The following GRID2 variants were observed in gnomAD, a reference collection of about 807,000 sequenced individuals.
GRID2 encodes the protein glutamate receptor ionotropic, delta-2.
A neutral mutation model predicts 114.8 loss-of-function variants in GRID2; 33 were observed. That is an observed-to-expected ratio of 0.29 (90% CI 0.22 to 0.38). The LOEUF is 0.38. Among genes scored for constraint, GRID2 ranks in the 10% least tolerant of loss-of-function variants. GRID2 has a pLI of 1.00. For synonymous variants in GRID2, 505 were observed against 449.9 expected, an observed-to-expected ratio of 1.12 and a Z score of -1.55; for missense variants, 1,184 against 1,257.7, an observed-to-expected ratio of 0.94 and a Z score of 0.89.
chr4:93,507,915 T>C (rs1728781373), intron 12 of GRID2, among the ~76,000 whole-genome samples: 2 of 152,082 alleles, frequency 1.3e-5, no homozygotes, highest in African/African-American at 4.8e-5. Flanking sequence ...CAGCTGATTG[T>C]GTTACAGAGG....
At chr4:92,836,948 G>C (rs942290689) in intron 2 of GRID2, among the ~76,000 whole-genome samples, 5 of 152,064 alleles carry the variant, frequency 3.3e-5, no homozygotes, top group African/African-American at 1.2e-4. Context: ...AAGATTGCTT[G>C]AGGAAATTTT....
At chr4:92,452,978 G>A (rs747566613) in intron 1 of GRID2, among the ~76,000 whole-genome samples, 1 of 150,214 alleles carries the variant, frequency 6.7e-6, no homozygotes, top group African/African-American at 2.4e-5. Flanking sequence ...ATACACTTAT[G>A]CATTTGTTAG....
At chr4:92,696,811 T>G (rs1734444219) in intron 2 of GRID2, among the ~76,000 whole-genome samples, 2 of 152,154 alleles carry the variant, frequency 1.3e-5, no homozygotes, top group Non-Finnish European at 2.9e-5. Context: ...TAATAGATGA[T>G]AGGATATTCT....
intron 8 of GRID2, among the ~76,000 whole-genome samples, chr4:93,305,297 A>G (rs1755298369): frequency 6.6e-6 from 1 of 152,234 alleles, no homozygotes; most frequent in African/African-American, 2.4e-5. Context: ...GTAAAGTGAA[A>G]GTAAACAAGC....
intron 13 of GRID2, among the ~76,000 whole-genome samples, chr4:93,523,280 G>A (rs2149501137): frequency 6.6e-6 from 1 of 152,206 alleles, no homozygotes; most frequent in East Asian, 1.9e-4. Context: ...AAAACAAATG[G>A]AGGTTATAGG....
intron 1 of GRID2, among the ~76,000 whole-genome samples, chr4:92,396,939 A>G (rs568721621): frequency 6.6e-6 from 1 of 152,162 alleles, no homozygotes; most frequent in South Asian, 2.1e-4. Flanking sequence ...AGTAGAACAA[A>G]CTGCTGTCCA....
At chr4:93,716,179 G>A (rs1056988970) in intron 14 of GRID2, among the ~76,000 whole-genome samples, 1 of 152,110 alleles carries the variant, frequency 6.6e-6, no homozygotes, top group Non-Finnish European at 1.5e-5. Context: ...GAGTAAATAT[G>A]TGTATATAAA....
intron 1 of GRID2, among the ~76,000 whole-genome samples, chr4:92,505,020 T>C (rs1232722796): frequency 2.6e-5 from 4 of 152,160 alleles, no homozygotes; most frequent in East Asian, 3.9e-4. Flanking sequence ...CGTCGAATCA[T>C]TTAAAAGAGA....
At chr4:92,381,064 C>G (rs1240158618) in intron 1 of GRID2, among the ~76,000 whole-genome samples, 1 of 151,956 alleles carries the variant, frequency 6.6e-6, no homozygotes, top group Non-Finnish European at 1.5e-5. Context: ...GTCATGCAAT[C>G]TTAAGCCTCT....
intron 1 of GRID2, among the ~76,000 whole-genome samples, chr4:92,433,083 G>C (rs989851418): frequency 6.6e-6 from 1 of 151,802 alleles, no homozygotes; most frequent in African/African-American, 2.4e-5. Flanking sequence ...GACTCTGCCT[G>C]GTGTCCTATT....
chr4:93,259,325 C>T (rs1749981411), intron 8 of GRID2, among the ~76,000 whole-genome samples: 1 of 151,768 alleles, frequency 6.6e-6, no homozygotes. Context: ...CCATATCAAT[C>T]ATAGTTAGGC....
chr4:92,723,000 A>G (rs1281826031), intron 2 of GRID2, among the ~76,000 whole-genome samples: 1 of 152,148 alleles, frequency 6.6e-6, no homozygotes, highest in Admixed American at 6.6e-5. Flanking sequence ...TTGTTGCCCC[A>G]GTGAGAAAGA....
intron 1 of GRID2, among the ~76,000 whole-genome samples, chr4:92,564,303 T>C (rs1404724931): frequency 6.6e-6 from 1 of 151,986 alleles, no homozygotes; most frequent in Non-Finnish European, 1.5e-5. Context: ...ATTTAATTAA[T>C]TACTAGTATG....
In GRID2 at chr4:92,762,007, C is replaced by A. The variant is rs993225057; in HGVS notation, c.244+171721C>A. Among the ~76,000 whole-genome samples, 17 of 152,284 alleles carry A rather than the reference C, an allele frequency of 1.1e-4. No individual in the cohort carries two copies. The East Asian group carries it at 2.9e-3, about 26-fold the overall frequency. Reference sequence around the variant, plus strand: ...GCAGTGGCACAATCTTGGCTCACTGCAACCTCCAACTCCCTGATTCAAGTG... The same window carrying A: ...GCAGTGGCACAATCTTGGCTCACTGAAACCTCCAACTCCCTGATTCAAGTG... On this transcript the variant is annotated intron_variant, in intron 2 of 15. Transcript: ENST00000282020.
chr4:93,134,828 A>C lies in GRID2; in HGVS notation c.735+23875A>C, dbSNP rs1240194808. On this transcript the variant is annotated intron_variant, in intron 4 of 15. Transcript: ENST00000282020. ...ATTCTACCCAGTGGCTATAAGAAGC[A>C]ATACTGGGTTATTGCTTTGCTGTAA... Among the ~76,000 whole-genome samples the C allele has an allele frequency of 2.6e-5, 4 of 152,106 alleles. No individual in the cohort carries two copies. The East Asian group carries it at 7.7e-4, about 29-fold the overall frequency.
At chr4:93,760,972 G>A (rs1338235369) in intron 14 of GRID2, among the ~76,000 whole-genome samples, 1 of 152,108 alleles carries the variant, frequency 6.6e-6, no homozygotes, top group Non-Finnish European at 1.5e-5. Flanking sequence ...TCATCTTTTG[G>A]AACATGGGCA....
rs943413842 is a variant in GRID2, at chr4:93,110,973, G to A, written c.735+20G>A. On this transcript the variant is annotated intron_variant, in intron 4 of 15. Transcript: ENST00000282020. ...ACTGAGGTAAGTGAAAATTGTCTTG[G>A]GGTGAGAGTTGTACAAAACAATTAA... The A allele has an allele frequency of 3.3e-6, 5 of 1,497,330 alleles. No homozygotes were observed. The highest frequency in any genetic ancestry group is 4.7e-6 in the Non-Finnish European group (5 of 1,073,566). 92.8% of individuals were successfully genotyped at this position (1,497,330 alleles called of 1,614,324 possible). A position where few individuals can be genotyped will look rare whatever the true frequency, so the allele number is the denominator to read the frequency against.
intron 8 of GRID2, among the ~76,000 whole-genome samples, chr4:93,259,500 T>TA (rs1750006245): frequency 6.6e-6 from 1 of 151,824 alleles, no homozygotes; most frequent in African/African-American, 2.4e-5. Flanking sequence ...GATAGGCTTT[T>TA]TACATACATG....
chr4:93,161,593 T>C (rs1292147748), intron 4 of GRID2, among the ~76,000 whole-genome samples: 1 of 151,830 alleles, frequency 6.6e-6, no homozygotes, highest in Non-Finnish European at 1.5e-5. Flanking sequence ...GTTCATGTGG[T>C]CTTTAGACCA....
Sources: gnomAD v4.1 joint callset for allele counts (sites outside exome capture counted in the v4.1 genomes callset) on GRCh38, gnomAD v4.1.1 for gene constraint, MANE v1.5 for transcripts, NCBI Gene and HGNC (gene_info 2026-07-23, HGNC 2026-07-21) for gene names.